ANO3: variants seen among roughly 807,000 people sequenced by gnomAD.
ANO3 encodes the protein anoctamin 3, also known as anoctamin-3.
In ANO3, 99 loss-of-function variants were observed where a neutral mutation model predicts 144.8. That is an observed-to-expected ratio of 0.68 (90% confidence interval 0.58 to 0.81). ANO3 has a LOEUF of 0.81. Among genes scored for constraint, ANO3 ranks in the 30% least tolerant of loss-of-function variants. The probability of loss-of-function intolerance (pLI) is 0.00; values close to 1 mark genes in which losing one functional copy is unlikely to be tolerated. For missense variants in ANO3, 905 were observed against 1,202.2 expected, an observed-to-expected ratio of 0.75 and a Z score of 3.66; for synonymous variants, 414 against 392.6, an observed-to-expected ratio of 1.05 and a Z score of -0.64.
chr11:26,501,885 A>C (rs1271045406), intron 4 of ANO3, among the ~76,000 whole-genome samples: 2 of 152,186 alleles, frequency 1.3e-5, no homozygotes. Context: ...TAACCATGTG[A>C]GAGGGTGGTA....
chr11:26,291,496 C>A lies in ANO3; in HGVS notation c.155-18149C>A, dbSNP rs146760523. ...TGTTTGTTAGTTGATGCAGTTTCTT[C>A]CTAGCCTCGATGGTCTTTACATTTT... On this transcript the variant is annotated intron_variant, in intron 1 of 27. Coordinates refer to the ANO3 transcript ENST00000672621. Among the ~76,000 whole-genome samples the A allele has an allele frequency of 3.3e-3, 504 of 152,288 alleles. 1 individual carries two copies. Among genetic ancestry groups the A allele is most frequent in the African/African-American group, 0.012 (484 of 41,556 alleles).
At position 26,514,085 on chromosome 11, in the gene ANO3, G is replaced by GT. The variant is rs142484477; in HGVS notation, c.592-2730dup. ...AGAAACTATAAAGACTACAGAAAGA[G>GT]TTTTTTTTTTTTAAGAAAATGTATG... On this transcript the variant is annotated intron_variant, in intron 5 of 26. Coordinates refer to ENST00000256737, the MANE Select transcript of ANO3 (RefSeq NM_031418.4). Among the ~76,000 whole-genome samples, 1,157 of 146,290 alleles carry GT rather than the reference G, an allele frequency of 7.9e-3. 4 individuals are homozygous for GT. Among genetic ancestry groups the GT allele is most frequent in the African/African-American group, 0.017 (663 of 39,976 alleles).
chr11:26,561,287 A>G lies in ANO3; in HGVS notation c.1447+1508A>G. On this transcript the variant is annotated intron_variant, in intron 14 of 26. Coordinates refer to ENST00000256737, the MANE Select transcript of ANO3 (RefSeq NM_031418.4). ...TACTCTGAAAGATTCATGTTCAGGC[A>G]TCCACCAAGTTATAGGAATTATTCT... 4.0e-6 allele frequency: 5 copies of G among 1,262,744 alleles called. No homozygotes were observed. The South Asian group carries it at 8.7e-5, about 22-fold the overall frequency. 78.2% of individuals were successfully genotyped at this position (1,262,744 alleles called of 1,614,324 possible).
chr11:26,464,121 T>G (rs1170525453), intron 4 of ANO3, among the ~76,000 whole-genome samples: 1 of 151,898 alleles, frequency 6.6e-6, no homozygotes. Flanking sequence ...AGTGTGTTAG[T>G]AAATAAATAT....
chr11:26,204,213 A>C (rs1489687776), intron 1 of ANO3, among the ~76,000 whole-genome samples: 4 of 152,060 alleles, frequency 2.6e-5, no homozygotes, highest in Non-Finnish European at 5.9e-5. Context: ...TGCAATTCAC[A>C]CACACCCCTT....
At chr11:26,435,514 A>C in intron 1 of ANO3, among the ~76,000 whole-genome samples, 1 of 152,136 alleles carries the variant, frequency 6.6e-6, no homozygotes, top group East Asian at 1.9e-4. Context: ...TGTTTTCCTC[A>C]TCCCTTTTAG....
intron 1 of ANO3, among the ~76,000 whole-genome samples, chr11:26,224,014 G>A (rs774738500): frequency 2.6e-5 from 4 of 152,094 alleles, no homozygotes; most frequent in East Asian, 1.9e-4. Context: ...CTATATCACC[G>A]TTGGAAAAGG....
intron 23 of ANO3, among the ~76,000 whole-genome samples, chr11:26,644,996 A>T (rs1853298583): frequency 6.6e-6 from 1 of 152,050 alleles, no homozygotes; most frequent in Admixed American, 6.6e-5. Context: ...TATATCTCTC[A>T]TAGTTATTAT....
chr11:26,189,441 T>G (rs902709973), intron 1 of ANO3: 1 of 553,092 alleles, frequency 1.8e-6, no homozygotes, highest in African/African-American at 2.0e-5. Flanking sequence ...TCTGGTGGTA[T>G]AGCTGATGCC....
intron 3 of ANO3, among the ~76,000 whole-genome samples, chr11:26,450,367 C>T (rs758327218): frequency 6.6e-5 from 10 of 152,064 alleles, no homozygotes; most frequent in Non-Finnish European, 1.5e-4. Flanking sequence ...TCTGTCAGTA[C>T]CCTCATTGCT....
In ANO3 at chr11:26,647,808, A is replaced by G; in HGVS notation, c.2528A>G (p.Tyr843Cys). The G allele has an allele frequency of 6.2e-7, 1 of 1,613,506 alleles. No individual in the cohort carries two copies. The highest frequency in any genetic ancestry group is 8.5e-7 in the Non-Finnish European group (1 of 1,179,624). The change falls in exon 24 of 27, where the codon TAT (tyrosine) becomes TGT (cysteine). Residue 843 changes from tyrosine to cysteine, a missense_variant. This residue lies in a region of ANO3 where 597 missense variants were observed against 865.1 expected (regional missense o/e 0.69). Coordinates refer to ENST00000256737, the MANE Select transcript of ANO3 (RefSeq NM_031418.4). ...TCTGATTACATCCCACGTTTTGTTT[A>G]TGAATACAAATATGGCCCCTGTGCA... The part of the protein sequence containing the change: ...ITSDYIPRFV[Y>C]EYKYGPCANH...
chr11:26,358,591 A>G (rs1228759322), intron 1 of ANO3, among the ~76,000 whole-genome samples: 1 of 151,996 alleles, frequency 6.6e-6, no homozygotes, highest in Non-Finnish European at 1.5e-5. Context: ...TTTTACTTTT[A>G]TAATTTTTAT....
intron 6 of ANO3, among the ~76,000 whole-genome samples, chr11:26,519,181 C>T (rs1014823117): frequency 6.6e-6 from 1 of 152,104 alleles, no homozygotes; most frequent in African/African-American, 2.4e-5. Flanking sequence ...AAGCCCTTAG[C>T]AACTATCATA....
At chr11:26,539,427 G>A (rs1849591050) in intron 10 of ANO3, among the ~76,000 whole-genome samples, 1 of 151,964 alleles carries the variant, frequency 6.6e-6, no homozygotes, top group Non-Finnish European at 1.5e-5. Context: ...ATAGAGCAGA[G>A]TTAAAAAAAG....
At chr11:26,344,435 G>A (rs899764164) in intron 1 of ANO3, among the ~76,000 whole-genome samples, 3 of 147,060 alleles carry the variant, frequency 2.0e-5, no homozygotes, top group Non-Finnish European at 3.0e-5. Context: ...GCACGATCTC[G>A]GCTCACTGCA....
intron 17 of ANO3, among the ~76,000 whole-genome samples, chr11:26,601,218 T>G (rs1851791637): frequency 6.6e-6 from 1 of 152,204 alleles, no homozygotes; most frequent in South Asian, 2.1e-4. Flanking sequence ...GTAATAAGGT[T>G]GGTATTATAG....
At chr11:26,239,461 G>A (rs1004325093) in intron 1 of ANO3, among the ~76,000 whole-genome samples, 3 of 152,048 alleles carry the variant, frequency 2.0e-5, no homozygotes, top group African/African-American at 7.2e-5. Context: ...TCTACTTGCT[G>A]GTCCCTCTGC....
intron 1 of ANO3, among the ~76,000 whole-genome samples, chr11:26,211,271 G>A (rs766430792): frequency 2.9e-4 from 44 of 152,138 alleles, no homozygotes; most frequent in African/African-American, 7.9e-4. Flanking sequence ...GGTAAATAAC[G>A]AAATTAAGGC....
At position 26,425,176 on chromosome 11, in the gene ANO3, C is replaced by T. The variant is rs1857884502; in HGVS notation, c.47-16742C>T. On this transcript the variant is annotated intron_variant, in intron 1 of 26. Transcript: ENST00000256737. Reference sequence around the variant, plus strand: ...TTCTTCCTTTCCCCTGTTTCTAGTTCACGTTTTATTTTCACACTGACAATT... The same window carrying T: ...TTCTTCCTTTCCCCTGTTTCTAGTTTACGTTTTATTTTCACACTGACAATT... Among the ~76,000 whole-genome samples the T allele has an allele frequency of 2.0e-5, 3 of 151,914 alleles. No homozygotes were observed. The South Asian group carries it at 6.2e-4, about 32-fold the overall frequency.
Sources: gnomAD v4.1 joint callset for allele counts (sites outside exome capture counted in the v4.1 genomes callset) on GRCh38, gnomAD v4.1.1 for gene constraint, gnomAD v4.1.1 regional missense constraint, MANE v1.5 for transcripts, NCBI Gene and HGNC (gene_info 2026-07-23, HGNC 2026-07-21) for gene names.